The following ZNF790 variants were observed in gnomAD, a reference collection of about 807,000 sequenced individuals.
The protein encoded by ZNF790 is zinc finger protein 790.
ZNF790 carries 8 observed loss-of-function variants against 12.1 expected under a neutral mutation model. The ratio of observed to expected loss-of-function variants is 0.66; its 90% confidence interval spans 0.39 to 1.19. The LOEUF is 1.19. Among genes scored for constraint, ZNF790 ranks in the 50% most tolerant of loss-of-function variants. The pLI, the probability that ZNF790 is intolerant of heterozygous loss-of-function variation, is 0.01. For synonymous variants in ZNF790, 252 were observed against 244.3 expected, an observed-to-expected ratio of 1.03 and a Z score of -0.29; for missense variants, 707 against 752.2, an observed-to-expected ratio of 0.94 and a Z score of 0.70.
At chr19:36,834,243 C>CAAAAA (rs751627349) in intron 1 of ZNF790, among the ~76,000 whole-genome samples, 40 of 34,562 alleles carry the variant, frequency 1.2e-3, no homozygotes, top group Non-Finnish European at 1.3e-3. Flanking sequence ...AACTCCATCT[C>CAAAAA]AAAAAAAAAA....
At chr19:36,842,964 C>T (rs1785829997), upstream of ZNF790, among the ~76,000 whole-genome samples, 1 of 145,236 alleles carries the variant, frequency 6.9e-6, no homozygotes, top group Admixed American at 7.1e-5. Flanking sequence ...AAGATCGCAC[C>T]ACCACACTCC....
chr19:36,825,608 C>CA lies in ZNF790; in HGVS notation c.9+2dup. On this transcript the variant is annotated splice_region_variant and intron_variant, in intron 2 of 4. Coordinates refer to ENST00000356725, the MANE Select transcript of ZNF790 (RefSeq NM_206894.4). ...TTTTTGGAGAGAGGCAATTCCAACT[C>CA]ACATGGGCCATGACTTAACATTCCA... is the stretch of plus-strand genomic sequence containing the variant. 1 of 1,614,020 alleles carries CA rather than the reference C, an allele frequency of 6.2e-7. No individual in the cohort carries two copies. The highest frequency in any genetic ancestry group is 8.5e-7 in the Non-Finnish European group (1 of 1,179,938).
At position 36,838,075 on chromosome 19, in the gene ZNF790, C is replaced by T. The variant is rs571974333; in HGVS notation, c.-74+262G>A. The T allele has an allele frequency of 6.6e-6, 1 of 152,456 alleles. No homozygotes were observed. Among genetic ancestry groups the T allele is most frequent in the Non-Finnish European group, 1.5e-5 (1 of 68,328 alleles). 9.4% of individuals were successfully genotyped at this position (152,456 alleles called of 1,614,324 possible). On this transcript the variant is annotated intron_variant, in intron 1 of 4. Coordinates refer to ENST00000356725, the MANE Select transcript of ZNF790 (RefSeq NM_206894.4). The surrounding 1 kb of genome is among the most constrained non-coding windows in gnomAD (Gnocchi z 4.4). Reference sequence around the variant, plus strand: ...TTAAATAGTCCATTAGGGTCACACACAGCGCCTGTCAACGTCGTGTGCGCG... The same window carrying T: ...TTAAATAGTCCATTAGGGTCACACATAGCGCCTGTCAACGTCGTGTGCGCG...
intron 1 of ZNF790, among the ~76,000 whole-genome samples, chr19:36,846,837 A>G (rs1233848701): frequency 1.3e-5 from 2 of 152,210 alleles, no homozygotes; most frequent in African/African-American, 2.4e-5. Context: ...GGACCTTACC[A>G]AAAACAGGGA....
chr19:36,831,033 G>T (rs1026043330), intron 1 of ZNF790, among the ~76,000 whole-genome samples: 1 of 152,076 alleles, frequency 6.6e-6, no homozygotes, highest in Non-Finnish European at 1.5e-5. Flanking sequence ...CAGCTACTTG[G>T]GAGGCTGAGG....
Position 36,820,023 on chromosome 19 carries a change from A to G in ZNF790, c.321T>C (p.Cys107=), listed in dbSNP as rs1341742312. ...EIAQLEIMRI[C]KNHSLDCLCF... ...ATAAACAGTCAAGGCTGTGGTTTTT[A>G]CAAATTCTCATTATTTCCAATTGGG... The change falls in exon 5 of 5, where the codon TGT becomes TGC. Residue 107 remains cysteine (C), a synonymous_variant. Coordinates refer to ENST00000356725, the MANE Select transcript of ZNF790 (RefSeq NM_206894.4). 3 of 1,613,772 alleles carry G rather than the reference A, an allele frequency of 1.9e-6. No homozygotes were observed. Among genetic ancestry groups the G allele is most frequent in the Non-Finnish European group, 2.5e-6 (3 of 1,180,034 alleles).
chr19:36,840,264 G>C (rs1021505083), upstream of ZNF790, among the ~76,000 whole-genome samples: 2 of 152,036 alleles, frequency 1.3e-5, no homozygotes, highest in South Asian at 2.1e-4. Flanking sequence ...GGGACCCCAA[G>C]ACCAACCACT....
intron 1 of ZNF790, among the ~76,000 whole-genome samples, chr19:36,827,312 G>A (rs1445787838): frequency 2.6e-5 from 4 of 151,556 alleles, no homozygotes; most frequent in South Asian, 4.2e-4. Context: ...CTCCACAGTC[G>A]GCCACCCATC....
chr19:36,818,768 T>C lies in ZNF790; in HGVS notation c.1576A>G (p.Arg526Gly). 1 of 1,610,384 alleles carries C rather than the reference T, an allele frequency of 6.2e-7. No individual in the cohort carries two copies. The highest frequency in any genetic ancestry group is 2.2e-5 in the East Asian group (1 of 44,850). The change falls in exon 5 of 5, where the codon AGA becomes GGA. Residue 526 changes from arginine to glycine, a missense_variant. By Grantham distance (125) the Arg-to-Gly change is moderately radical. Coordinates refer to ENST00000356725, the MANE Select transcript of ZNF790 (RefSeq NM_206894.4). ...LWGSQLTRHQ[R>G]MHTGEEPYVC... Reference sequence around the variant, plus strand: ...TAAGGTTCCTCACCAGTATGCATTCTCTGATGTCGAGTAAGTTGTGAACCC... The same window carrying C: ...TAAGGTTCCTCACCAGTATGCATTCCCTGATGTCGAGTAAGTTGTGAACCC...
chr19:36,829,451 C>T (rs986174725), intron 1 of ZNF790, among the ~76,000 whole-genome samples: 3 of 152,228 alleles, frequency 2.0e-5, no homozygotes, highest in African/African-American at 7.2e-5. Flanking sequence ...CAAATTGTAG[C>T]ATGAATCAGT....
At chr19:36,822,211 CA>C (rs1014268220) in intron 4 of ZNF790, among the ~76,000 whole-genome samples, 2 of 151,722 alleles carry the variant, frequency 1.3e-5, no homozygotes, top group African/African-American at 4.8e-5. Flanking sequence ...AATGTACAAT[CA>C]AGGAGAAGAT....
chr19:36,838,489 G>A (rs1600671920), upstream of ZNF790: 2 of 152,312 alleles, frequency 1.3e-5, no homozygotes, highest in South Asian at 4.1e-4. This position sits in a 1 kb window ranked among gnomAD's most constrained non-coding sequence, Gnocchi z 4.4. Flanking sequence ...CGGACACCGC[G>A]GTCACCATTA....
chr19:36,825,676 G>A lies in ZNF790; in HGVS notation c.-57C>T, dbSNP rs989980635. ...CTGGATTCTTTCTTGGTGAGGCAGC[G>A]TGCTGGGAAAGCAGAGCTAGAAGGA... On this transcript the variant is annotated 5_prime_UTR_variant, in exon 2 of 5. In the 5' UTR this introduces an upstream ATG that the reference lacks. Coordinates refer to ENST00000356725, the MANE Select transcript of ZNF790 (RefSeq NM_206894.4). 5.4e-5 allele frequency: 86 copies of A among 1,594,948 alleles called. No homozygotes were observed. The highest frequency in any genetic ancestry group is 3.3e-4 in the Middle Eastern group (2 of 6,056).
chr19:36,832,875 G>T (rs575078646), intron 1 of ZNF790, among the ~76,000 whole-genome samples: 1 of 151,718 alleles, frequency 6.6e-6, no homozygotes, highest in African/African-American at 2.4e-5. Flanking sequence ...AAAATCAAGG[G>T]GAAGAAATTT....
intron 1 of ZNF790, among the ~76,000 whole-genome samples, chr19:36,847,083 C>T (rs776955391): frequency 9.2e-5 from 14 of 152,134 alleles, no homozygotes; most frequent in African/African-American, 2.4e-4. Context: ...TAGCCAAGTG[C>T]GGTGGCTCAC....
intron 1 of ZNF790, among the ~76,000 whole-genome samples, chr19:36,827,141 C>CACATAT (rs1313807327): frequency 1.4e-3 from 115 of 84,434 alleles, no homozygotes; most frequent in African/African-American, 3.8e-3. Flanking sequence ...CACACACACA[C>CACATAT]ATATATATAT....
chr19:36,838,858 C>A (rs1002443730), upstream of ZNF790, among the ~76,000 whole-genome samples: 2 of 152,182 alleles, frequency 1.3e-5, no homozygotes, highest in South Asian at 4.1e-4. This position sits in a 1 kb window ranked among gnomAD's most constrained non-coding sequence, Gnocchi z 4.4. Context: ...CTGTGCCAAG[C>A]GAGTGGCGAG....
chr19:36,818,297 GC>G lies in ZNF790; in HGVS notation c.*135del. 1 of 721,586 alleles carries G rather than the reference GC, an allele frequency of 1.4e-6. No individual in the cohort carries two copies. The highest frequency in any genetic ancestry group is 2.1e-6 in the Non-Finnish European group (1 of 479,636). The allele number at this position is 721,586 out of a possible 1,614,324, so 44.7% of individuals were successfully genotyped here. ...TGAATTCTCTGCTGCTGCTGCTGCT[GC>G]TGCTGCTGGATGTGTGCTCTGTTAA... On this transcript the variant is annotated 3_prime_UTR_variant, in exon 5 of 5. Transcript: ENST00000356725.
intron 1 of ZNF790, among the ~76,000 whole-genome samples, chr19:36,845,047 C>CAAAAAAAAA (rs10611049): frequency 2.9e-5 from 1 of 34,908 alleles, no homozygotes; most frequent in African/African-American, 9.5e-5. Flanking sequence ...GACTCCGTCT[C>CAAAAAAAAA]AAAAAAAAAA....
Sources: allele counts gnomAD v4.1 joint callset (sites outside exome capture counted in the v4.1 genomes callset), GRCh38; gene constraint gnomAD v4.1.1; non-coding constraint Gnocchi (gnomAD v3.1); transcripts MANE v1.5; gene names NCBI Gene and HGNC (gene_info 2026-07-23, HGNC 2026-07-21).